ANKRD62: variants seen among roughly 807,000 people sequenced by gnomAD.
The protein encoded by ANKRD62 is ankyrin repeat domain 62.
ANKRD62 carries 61 observed loss-of-function variants against 98.8 expected under a neutral mutation model. The ratio of observed to expected loss-of-function variants is 0.62; its 90% confidence interval spans 0.50 to 0.76. ANKRD62 has a LOEUF of 0.76. Among genes scored for constraint, ANKRD62 ranks in the 30% least tolerant of loss-of-function variants. The pLI is 0.00. For synonymous variants in ANKRD62, 341 were observed against 367.9 expected (o/e 0.93, Z 0.84); for missense variants, 933 against 1,082.9 (o/e 0.86, Z 1.94).
At chr18:12,168,808 C>T in the ANKRD62 span, among the ~76,000 whole-genome samples, 1 of 152,148 alleles carries the variant, frequency 6.6e-6, no homozygotes, top group East Asian at 1.9e-4. Context: ...TCTTTTATTT[C>T]GTTGAGCAGT....
chr18:12,170,901 T>G, the ANKRD62 span, among the ~76,000 whole-genome samples: 2 of 152,092 alleles, frequency 1.3e-5, no homozygotes, highest in African/African-American at 4.8e-5. Flanking sequence ...TCTTTGTCTC[T>G]TTTGATCTTT....
At chr18:12,156,356 T>G in the ANKRD62 span, among the ~76,000 whole-genome samples, 1 of 152,168 alleles carries the variant, frequency 6.6e-6, no homozygotes, top group South Asian at 2.1e-4. Flanking sequence ...CATAATCCAT[T>G]AGACCTCTCC....
At chr18:12,141,436 C>T in the ANKRD62 span, among the ~76,000 whole-genome samples, 1 of 152,202 alleles carries the variant, frequency 6.6e-6, no homozygotes, top group Non-Finnish European at 1.5e-5. Flanking sequence ...GTCGCTCACA[C>T]TGGGAGCTGT....
chr18:12,126,995 G>A (rs995370067), intron 13 of ANKRD62, among the ~76,000 whole-genome samples: 1 of 152,050 alleles, frequency 6.6e-6, no homozygotes, highest in African/African-American at 2.4e-5. Flanking sequence ...TATAATATGG[G>A]GAAAATGTGG....
At chr18:12,104,679 T>G (rs1432347816) in intron 7 of ANKRD62, among the ~76,000 whole-genome samples, 1 of 152,120 alleles carries the variant, frequency 6.6e-6, no homozygotes, top group African/African-American at 2.4e-5. Flanking sequence ...TCTACAGGAA[T>G]AGCAAACTTA....
At chr18:12,113,575 A>G (rs577277390) in intron 8 of ANKRD62, among the ~76,000 whole-genome samples, 3 of 152,316 alleles carry the variant, frequency 2.0e-5, no homozygotes, top group East Asian at 1.9e-4. Flanking sequence ...GCAGTGAGCC[A>G]AGATCACGCC....
intron 8 of ANKRD62, among the ~76,000 whole-genome samples, chr18:12,113,464 A>G (rs1568062423): frequency 6.6e-6 from 1 of 152,178 alleles, no homozygotes; most frequent in Non-Finnish European, 1.5e-5. Flanking sequence ...CGTCTCTACT[A>G]AAAATACAAA....
chr18:12,136,404 T>C, the ANKRD62 span, among the ~76,000 whole-genome samples: 1 of 152,228 alleles, frequency 6.6e-6, no homozygotes, highest in Non-Finnish European at 1.5e-5. Context: ...TTGGTCTATA[T>C]CTCTGTTTTG....
At chr18:12,108,709 C>T (rs1909469097) in intron 8 of ANKRD62, among the ~76,000 whole-genome samples, 1 of 126,240 alleles carries the variant, frequency 7.9e-6, no homozygotes, top group Non-Finnish European at 1.7e-5. Flanking sequence ...GGATGTGAGC[C>T]TGTGAAATCA....
At chr18:12,096,661 T>G (rs1320293492) in intron 4 of ANKRD62, among the ~76,000 whole-genome samples, 1 of 152,212 alleles carries the variant, frequency 6.6e-6, no homozygotes, top group African/African-American at 2.4e-5. Context: ...TCTTAACTCT[T>G]TTATAGTAGT....
intron 10 of ANKRD62, among the ~76,000 whole-genome samples, chr18:12,120,168 G>A (rs1598736860): frequency 6.6e-6 from 1 of 152,134 alleles, no homozygotes; most frequent in South Asian, 2.1e-4. Flanking sequence ...GCATGGTGTT[G>A]TTTAAGTCTG....
chr18:12,153,029 C>T, the ANKRD62 span, among the ~76,000 whole-genome samples: 91 of 152,186 alleles, frequency 6.0e-4, no homozygotes, highest in African/African-American at 2.0e-3. Context: ...AAGATGAGAA[C>T]GAAATCAGGA....
rs1474984429 is a variant in ANKRD62, at chr18:12,125,915, C to T, written c.2094C>T (p.His698=). The part of the protein sequence containing the change: ...WCHLQEDTNS[H]IQILSQQLSK... ...ATTTACAAGAAGACACTAATTCTCACATTCAGATTCTTTCTCAGCAACTTT... is the reference window on the plus strand; with the variant it reads ...ATTTACAAGAAGACACTAATTCTCATATTCAGATTCTTTCTCAGCAACTTT... Residue 698 remains histidine, a synonymous_variant, in exon 13 of 14, where the codon CAC becomes CAT. Transcript: ENST00000587848. 1.9e-6 allele frequency: 3 copies of T among 1,539,906 alleles called. No homozygotes were observed. Among genetic ancestry groups the T allele is most frequent in the Non-Finnish European group, 2.6e-6 (3 of 1,146,948 alleles).
chr18:12,095,184 T>C lies in ANKRD62; in HGVS notation c.232T>C (p.Leu78=). 1 of 1,536,564 alleles carries C rather than the reference T, an allele frequency of 6.5e-7. No homozygotes were observed. Among genetic ancestry groups the C allele is most frequent in the South Asian group, 1.2e-5 (1 of 84,068 alleles). The change falls in exon 2 of 14, where the codon TTG becomes CTG. Residue 78 remains leucine (L), a synonymous_variant. Coordinates refer to ENST00000587848, the MANE Select transcript of ANKRD62 (RefSeq NM_001277333.2). ...RDKKNRTALL[L]ACAHGRPGVV... Reference sequence around the variant, plus strand: ...TCATTCTCACAGGACTGCTCTACTTTTGGCGTGTGCCCATGGCCGTCCAGG... The same window carrying C: ...TCATTCTCACAGGACTGCTCTACTTCTGGCGTGTGCCCATGGCCGTCCAGG...
At chr18:12,139,477 T>C in the ANKRD62 span, among the ~76,000 whole-genome samples, 1 of 152,082 alleles carries the variant, frequency 6.6e-6, no homozygotes, top group Admixed American at 6.5e-5. Flanking sequence ...ACCCCGTCTC[T>C]ACTAAAAATA....
At chr18:12,175,851 C>T in the ANKRD62 span, among the ~76,000 whole-genome samples, 1 of 151,848 alleles carries the variant, frequency 6.6e-6, no homozygotes, top group Non-Finnish European at 1.5e-5. Flanking sequence ...GTATTCTCCC[C>T]CAATAGTTCA....
intron 12 of ANKRD62, among the ~76,000 whole-genome samples, chr18:12,124,746 A>G (rs938632131): frequency 1.3e-5 from 2 of 152,130 alleles, no homozygotes; most frequent in African/African-American, 4.8e-5. Flanking sequence ...TTTCTATTGT[A>G]TTTGTATATC....
At chr18:12,100,006 A>G (rs1909264879) in intron 6 of ANKRD62, among the ~76,000 whole-genome samples, 1 of 152,108 alleles carries the variant, frequency 6.6e-6, no homozygotes, top group African/African-American at 2.4e-5. Flanking sequence ...GATGAATTGG[A>G]TTTGTTATAA....
chr18:12,167,662 C>G, the ANKRD62 span, among the ~76,000 whole-genome samples: 1 of 152,032 alleles, frequency 6.6e-6, no homozygotes, highest in African/African-American at 2.4e-5. Flanking sequence ...GTAATAGGAT[C>G]ACTAGGTCAA....
Sources: allele counts gnomAD v4.1 joint callset (sites outside exome capture counted in the v4.1 genomes callset), GRCh38; gene constraint gnomAD v4.1.1; transcripts MANE v1.5; gene names NCBI Gene and HGNC (gene_info 2026-07-23, HGNC 2026-07-21).